QTRT2: variants seen among roughly 807,000 people sequenced by gnomAD.
QTRT2 encodes the protein queuine tRNA-ribosyltransferase domain containing 1.
QTRT2 carries 32 observed loss-of-function variants against 44.8 expected under a neutral mutation model. The ratio of observed to expected loss-of-function variants is 0.71; its 90% CI spans 0.54 to 0.96. The LOEUF (loss-of-function observed/expected upper bound fraction) is 0.96, where lower values mean the gene tolerates loss of function less well. Ranked by LOEUF, QTRT2 falls within the 40% of genes least tolerant of loss-of-function variation. QTRT2 has a pLI of 0.00. For missense variants in QTRT2, 461 were observed against 503.1 expected (o/e 0.92, Z 0.80); for synonymous variants, 182 against 187.4 (o/e 0.97, Z 0.24).
chr3:114,065,417 C>T lies in QTRT2; in HGVS notation c.160C>T (p.His54Tyr), dbSNP rs2076939674. 6.2e-7 allele frequency: 1 copy of T among 1,613,970 alleles called. No homozygotes were observed. The highest frequency in any genetic ancestry group is 1.3e-5 in the African/African-American group (1 of 74,934). ...HLTHHTLHNI[H>Y]GVPAMAQLTL... Reference sequence around the variant, plus strand: ...CACCCATCACACGCTGCATAATATCCACGGGGTTCCTGCCATGGCTCAGCT... The same window carrying T: ...CACCCATCACACGCTGCATAATATCTACGGGGTTCCTGCCATGGCTCAGCT... The change falls in exon 3 of 10, where the codon CAC (histidine) becomes TAC (tyrosine). Residue 54 changes from histidine to tyrosine, a missense_variant. Physicochemically the swap from His to Tyr is moderately conservative, Grantham distance 83. Coordinates refer to ENST00000281273, the MANE Select transcript of QTRT2 (RefSeq NM_024638.4).
At chr3:114,079,744 A>G in intron 7 of QTRT2, 162 bp from the exon 8 acceptor site, 1 of 556,658 alleles carries the variant, frequency 1.8e-6, no homozygotes, top group Non-Finnish European at 3.2e-6. Context: ...CCAAAGCCAT[A>G]TGTTCTTTCT....
intron 2 of QTRT2, among the ~76,000 whole-genome samples, chr3:114,061,874 A>G (rs2076890836): frequency 6.6e-6 from 1 of 152,164 alleles, no homozygotes; most frequent in Non-Finnish European, 1.5e-5. Context: ...CAATGTGCCC[A>G]ACCAAAGCCA....
intron 7 of QTRT2, 183 bp downstream of exon 7, chr3:114,077,125 T>G: frequency 1.7e-6 from 1 of 602,176 alleles, no homozygotes; most frequent in Non-Finnish European, 2.9e-6. Flanking sequence ...AAGGCTGTCC[T>G]GGCCTTGATT....
In QTRT2 at chr3:114,080,053, GAC is replaced by G; in HGVS notation, c.897_898del (p.Leu300ThrfsTer20). 1 of 1,601,700 alleles carries G rather than the reference GAC, an allele frequency of 6.2e-7. No individual in the cohort carries two copies. Among genetic ancestry groups the G allele is most frequent in the Non-Finnish European group, 8.5e-7 (1 of 1,174,638 alleles). Reference protein sequence around the residue: ...SFDYQPNPEETLLQQNGTQEE... With the variant: ...SFDYQPNPEEXLLQQNGTQEE... Reference sequence around the variant, plus strand: ...TTGATTACCAGCCGAATCCTGAAGAGACACGTAAGTCTTTTGAAGTTTATCTC... The same window carrying G: ...TTGATTACCAGCCGAATCCTGAAGAGACGTAAGTCTTTTGAAGTTTATCTC... On this transcript the variant is annotated frameshift_variant and splice_region_variant, in exon 8 of 10. Coordinates refer to ENST00000281273, the MANE Select transcript of QTRT2 (RefSeq NM_024638.4). LOFTEE classifies it high-confidence loss of function.
At chr3:114,063,995 A>C (rs2076920316) in intron 2 of QTRT2, among the ~76,000 whole-genome samples, 1 of 152,070 alleles carries the variant, frequency 6.6e-6, no homozygotes, top group African/African-American at 2.4e-5. Flanking sequence ...TGGGCGGATC[A>C]CCTGAGGTCA....
intron 2 of QTRT2, among the ~76,000 whole-genome samples, chr3:114,059,590 C>G (rs1341172117): frequency 6.6e-6 from 1 of 151,290 alleles, no homozygotes; most frequent in African/African-American, 2.4e-5. Flanking sequence ...CTTGGTTCTT[C>G]TAGCTCTGGA....
rs192887899 is a variant in QTRT2 at position 114,085,189 on chromosome 3, T to G, written c.1017-484T>G. Among the ~76,000 whole-genome samples, 5 of 152,258 alleles carry G rather than the reference T, an allele frequency of 3.3e-5. No individual in the cohort carries two copies. The East Asian group carries it at 9.6e-4, about 29-fold the overall frequency. On this transcript the variant is annotated intron_variant, in intron 9 of 9. Transcript: ENST00000281273. ...AGAAAAACTCCAGGGTCTCCCTGAC[T>G]CATTGTGTTCTTTGTTAACTTTTTT... is the stretch of plus-strand genomic sequence containing the variant.
chr3:114,058,698 G>C (rs1409635674), intron 2 of QTRT2, among the ~76,000 whole-genome samples: 1 of 152,068 alleles, frequency 6.6e-6, no homozygotes, highest in Non-Finnish European at 1.5e-5. Flanking sequence ...ACACCTGGCT[G>C]ATTTTTGTGT....
chr3:114,060,558 A>AT (rs1187601652), intron 2 of QTRT2, among the ~76,000 whole-genome samples: 15 of 149,258 alleles, frequency 1.0e-4, no homozygotes, highest in African/African-American at 3.9e-4. Context: ...GATAGATTAG[A>AT]TAGATAGATT....
At chr3:114,056,904 A>G in intron 1 of QTRT2, 40 bp downstream of exon 1, 1 of 1,533,370 alleles carries the variant, frequency 6.5e-7, no homozygotes, top group Non-Finnish European at 8.7e-7. Flanking sequence ...GAGCTGCTAG[A>G]GATGGATGAG....
chr3:114,066,326 T>C (rs2076953773), intron 4 of QTRT2, 43 bp downstream of exon 4: 1 of 1,180,530 alleles, frequency 8.5e-7, no homozygotes, highest in African/African-American at 1.5e-5. Context: ...ATGTGTTAAT[T>C]TGGAGTTTGG....
chr3:114,060,496 G>GA (rs2076867112), intron 2 of QTRT2, among the ~76,000 whole-genome samples: 309 of 144,532 alleles, frequency 2.1e-3, no homozygotes, highest in African/African-American at 7.5e-3. Flanking sequence ...AGGTAGGTAG[G>GA]TAGATAGATA....
chr3:114,064,750 G>T (rs576306632), intron 2 of QTRT2, among the ~76,000 whole-genome samples: 1 of 152,038 alleles, frequency 6.6e-6, no homozygotes, highest in African/African-American at 2.4e-5. Context: ...ATAAACACCA[G>T]GATGCTCTTT....
chr3:114,060,649 A>G (rs1378086990), intron 2 of QTRT2, among the ~76,000 whole-genome samples: 2 of 152,202 alleles, frequency 1.3e-5, no homozygotes, highest in African/African-American at 4.8e-5. Flanking sequence ...CCTATAATAA[A>G]GTTTAATTTA....
At chr3:114,082,571 A>G in intron 8 of QTRT2, 106 bp from the exon 9 acceptor site, 1 of 526,536 alleles carries the variant, frequency 1.9e-6, no homozygotes, top group South Asian at 3.6e-5. Flanking sequence ...CTCAGGAGTG[A>G]AATTACAGAG....
chr3:114,074,660 G>A (rs1333448080), intron 6 of QTRT2, among the ~76,000 whole-genome samples: 4 of 152,186 alleles, frequency 2.6e-5, no homozygotes, highest in Non-Finnish European at 5.9e-5. Flanking sequence ...TCTCTTCACA[G>A]TGTTCCAGGC....
Position 114,079,762 on chromosome 3 carries a change from G to A in QTRT2, c.747-144G>A, listed in dbSNP as rs1178010898. The stretch of plus-strand genomic sequence containing the variant: ...AAGCCATATGTTCTTTCTGCTGCAT[G>A]TTGCTGTCCACTGCCTGCCACTCTA... On this transcript the variant is annotated intron_variant, in intron 7 of 9. Coordinates refer to ENST00000281273, the MANE Select transcript of QTRT2 (RefSeq NM_024638.4). 3 of 659,154 alleles carry A rather than the reference G, an allele frequency of 4.6e-6. No homozygotes were observed. In the African/African-American group the frequency reaches 5.5e-5, roughly 12 times the overall value. The allele number at this position is 659,154 out of a possible 1,614,324, so 40.8% of individuals were successfully genotyped here. A position where few individuals can be genotyped will look rare whatever the true frequency, so the allele number is the denominator to read the frequency against.
Position 114,076,858 on chromosome 3 carries a change from G to GT in QTRT2, c.666dup (p.Gln223SerfsTer10). 2.5e-6 allele frequency: 4 copies of GT among 1,614,214 alleles called. No homozygotes were observed. In the South Asian group the frequency reaches 4.4e-5, roughly 18 times the overall value. On this transcript the variant is annotated frameshift_variant, in exon 7 of 10. Transcript: ENST00000281273. LOFTEE classifies it high-confidence loss of function. ...CCTGTGGGTGGCTTCCTTCTGGATG[G>GT]TTTTCAAGGAAATCCAACAACCCTG...
chr3:114,077,022 CTG>C, intron 7 of QTRT2, 80 bp downstream of exon 7: 1 of 1,313,932 alleles, frequency 7.6e-7, no homozygotes, highest in Non-Finnish European at 1.1e-6. Flanking sequence ...TAAATAGTGT[CTG>C]TGCATAGGCA....
Sources: allele counts gnomAD v4.1 joint callset (sites outside exome capture counted in the v4.1 genomes callset), GRCh38; gene constraint gnomAD v4.1.1; transcripts MANE v1.5; gene names NCBI Gene and HGNC (gene_info 2026-07-23, HGNC 2026-07-21).